Variants in PBRM1 observed in about 807,000 individuals in gnomAD.
PBRM1 encodes the protein polybromo 1, also known as protein polybromo-1.
PBRM1 carries 27 observed loss-of-function variants against 194.5 expected under a neutral mutation model. That is an observed-to-expected ratio of 0.14 (90% CI 0.10 to 0.19). The LOEUF (loss-of-function observed/expected upper bound fraction) is 0.19, where lower values mean the gene tolerates loss of function less well. PBRM1 is among the 10% of genes least tolerant of loss of function. PBRM1 has a pLI of 1.00. For missense variants in PBRM1, 1,466 were observed against 2,077.2 expected (o/e 0.71, Z 5.72); for synonymous variants, 655 against 693.2 (o/e 0.94, Z 0.87).
chr3:52,610,415 G>A (rs2094548107), intron 15 of PBRM1, among the ~76,000 whole-genome samples: 1 of 152,042 alleles, frequency 6.6e-6, no homozygotes. Flanking sequence ...TCCTAGCTCT[G>A]TCCACTGAAA....
At chr3:52,605,457 G>A (rs370901536) in intron 16 of PBRM1, among the ~76,000 whole-genome samples, 8 of 152,244 alleles carry the variant, frequency 5.3e-5, no homozygotes, top group African/African-American at 1.2e-4. Context: ...AGAGGAGTGT[G>A]GCCAAGTAGG....
chr3:52,602,362 G>A (rs1560255748), intron 17 of PBRM1, among the ~76,000 whole-genome samples: 1 of 152,126 alleles, frequency 6.6e-6, no homozygotes, highest in African/African-American at 2.4e-5. Flanking sequence ...CCTCAAGCCC[G>A]TAAGGATGTA....
At chr3:52,678,633 A>G in intron 1 of PBRM1, 36 bp from the exon 3 acceptor site, 1 of 1,328,434 alleles carries the variant, frequency 7.5e-7, no homozygotes, top group South Asian at 1.2e-5. Flanking sequence ...ATCACTAAAA[A>G]AGTGAACAGA....
chr3:52,567,784 A>G (rs2085782167), intron 22 of PBRM1, among the ~76,000 whole-genome samples: 1 of 144,488 alleles, frequency 6.9e-6, no homozygotes, highest in African/African-American at 2.6e-5. Context: ...GGCGTGTGCC[A>G]CCATGCCTGG....
At chr3:52,596,333 G>A (rs2093540762) in intron 17 of PBRM1, among the ~76,000 whole-genome samples, 1 of 150,904 alleles carries the variant, frequency 6.6e-6, no homozygotes, top group Admixed American at 6.6e-5. Flanking sequence ...AGCTACTCGG[G>A]GGGCTGAGGC....
chr3:52,565,938 TA>T (rs1172531709), intron 22 of PBRM1, among the ~76,000 whole-genome samples: 1 of 151,996 alleles, frequency 6.6e-6, no homozygotes, highest in Non-Finnish European at 1.5e-5. Context: ...TAGTCCCAGC[TA>T]GTCATGAGGC....
rs760109045 is a variant in PBRM1, at chr3:52,554,888, A to G, written c.4454-9T>C. 1.2e-6 allele frequency: 2 copies of G among 1,605,554 alleles called. No individual in the cohort carries two copies. The highest frequency in any genetic ancestry group is 3.5e-5 in the Admixed American group (2 of 57,458). ...ATAGCCACCCATCATGCCTTGAAGG[A>G]CACAACAAATTTCAGACATGCATCA... On this transcript the variant is annotated splice_polypyrimidine_tract_variant and intron_variant, in intron 26 of 29. Coordinates refer to ENST00000296302, the Ensembl canonical transcript of PBRM1.
At chr3:52,661,459 ATG>A (rs1484841347) in intron 4 of PBRM1, among the ~76,000 whole-genome samples, 1 of 152,222 alleles carries the variant, frequency 6.6e-6, no homozygotes, top group Non-Finnish European at 1.5e-5. Context: ...AGAGAAAAAC[ATG>A]TAAACTAGTA....
intron 17 of PBRM1, among the ~76,000 whole-genome samples, chr3:52,592,275 G>A (rs2093160598): frequency 6.6e-6 from 1 of 151,928 alleles, no homozygotes; most frequent in Non-Finnish European, 1.5e-5. Context: ...AGGACTACAG[G>A]TGCGTGCCAC....
chr3:52,597,342 G>C (rs1184723115), intron 17 of PBRM1, among the ~76,000 whole-genome samples: 3 of 152,178 alleles, frequency 2.0e-5, no homozygotes, highest in South Asian at 4.1e-4. Context: ...AGGACAATTG[G>C]TGGAGGCTTC....
chr3:52,563,214 C>T (rs2084125555), intron 24 of PBRM1, 69 bp downstream of exon 26: 2 of 1,177,724 alleles, frequency 1.7e-6, no homozygotes, highest in South Asian at 1.4e-5. Flanking sequence ...TGTCACTTTA[C>T]TTTGGTTTTG....
At chr3:52,676,127 AAAAAAAAAAAAAAAAAAAAAAAAAAT>A (rs1215991631) in intron 2 of PBRM1, among the ~76,000 whole-genome samples, 2 of 31,320 alleles carry the variant, frequency 6.4e-5, no homozygotes, top group South Asian at 5.3e-4. Context: ...AAAAAAAAAA[AAAAAAAAAAAAAAAAAAAAAAAAAAT>A]AATGAATGAA....
At chr3:52,613,462 A>G (rs943339561) in intron 15 of PBRM1, among the ~76,000 whole-genome samples, 111 of 151,974 alleles carry the variant, frequency 7.3e-4, no homozygotes, top group African/African-American at 2.5e-3. Context: ...CAGCCTCCCA[A>G]ATAGCTAGGA....
At chr3:52,663,481 A>C (rs1003870734) in intron 3 of PBRM1, among the ~76,000 whole-genome samples, 1 of 152,234 alleles carries the variant, frequency 6.6e-6, no homozygotes, top group African/African-American at 2.4e-5. Flanking sequence ...TCGTAAAGTT[A>C]GCCTTAACAA....
intron 7 of PBRM1, among the ~76,000 whole-genome samples, chr3:52,647,786 CAG>C: frequency 6.6e-6 from 1 of 152,058 alleles, no homozygotes; most frequent in Non-Finnish European, 1.5e-5. Context: ...CAGGCAAACA[CAG>C]AGACTGAAAA....
At chr3:52,678,869 A>C (rs2097157229) in intron 1 of PBRM1, among the ~76,000 whole-genome samples, 1 of 152,214 alleles carries the variant, frequency 6.6e-6, no homozygotes, top group South Asian at 2.1e-4. Context: ...TTTCTTGCTT[A>C]AAGTCATCCA....
intron 10 of PBRM1, among the ~76,000 whole-genome samples, chr3:52,637,137 T>C (rs768041707): frequency 4.6e-5 from 7 of 152,184 alleles, no homozygotes; most frequent in Non-Finnish European, 8.8e-5. Context: ...CAGTTGGATT[T>C]ACACCTAGGT....
At chr3:52,612,030 C>T (rs139669809) in intron 15 of PBRM1, among the ~76,000 whole-genome samples, 18 of 151,286 alleles carry the variant, frequency 1.2e-4, no homozygotes, top group South Asian at 4.2e-4. Flanking sequence ...GAGGCCGAGG[C>T]GGGCAGATCA....
At chr3:52,555,016 T>A in intron 26 of PBRM1, 137 bp from the exon 29 acceptor site, 1 of 646,612 alleles carries the variant, frequency 1.5e-6, no homozygotes, top group Middle Eastern at 3.9e-4. Context: ...ATTAGTGCAA[T>A]TATTTTGCTG....
Sources: allele counts gnomAD v4.1 joint callset (sites outside exome capture counted in the v4.1 genomes callset), GRCh38; gene constraint gnomAD v4.1.1; transcripts MANE v1.5; gene names NCBI Gene and HGNC (gene_info 2026-07-23, HGNC 2026-07-21).